Variants in ALKBH8 observed in about 807,000 individuals in gnomAD.
ALKBH8 encodes tRNA (carboxymethyluridine(34)-5-O)-methyltransferase ALKBH8.
A neutral mutation model predicts 59.8 loss-of-function variants in ALKBH8; 36 were observed. The observed-to-expected ratio is 0.60, with a 90% CI of 0.46 to 0.79. ALKBH8 has a LOEUF of 0.79. Among genes scored for constraint, ALKBH8 ranks in the 30% least tolerant of loss-of-function variants. The pLI, the probability that ALKBH8 is intolerant of heterozygous loss-of-function variation, is 0.00. For synonymous variants in ALKBH8, 276 were observed against 273.6 expected, an observed-to-expected ratio of 1.01 and a Z score of -0.09; for missense variants, 768 against 801.0, an observed-to-expected ratio of 0.96 and a Z score of 0.50.
intron 8 of ALKBH8, among the ~76,000 whole-genome samples, chr11:107,530,248 T>C (rs192428897): frequency 5.3e-5 from 8 of 152,186 alleles, no homozygotes; most frequent in African/African-American, 1.9e-4. Flanking sequence ...GCTAGAATAG[T>C]AAATTTGAAC....
At chr11:107,549,659 T>C in intron 7 of ALKBH8, 94 bp downstream of exon 7, 1 of 915,106 alleles carries the variant, frequency 1.1e-6, no homozygotes, top group East Asian at 3.0e-5. Flanking sequence ...TTTTTAAATC[T>C]TAATTCATTT....
At chr11:107,541,204 G>A (rs1299687306) in intron 7 of ALKBH8, among the ~76,000 whole-genome samples, 1 of 152,172 alleles carries the variant, frequency 6.6e-6, no homozygotes, top group African/African-American at 2.4e-5. Flanking sequence ...CAATGGTAGT[G>A]CTGATGGTCA....
At chr11:107,559,214 C>T (rs572294492) in intron 2 of ALKBH8, among the ~76,000 whole-genome samples, 1 of 152,288 alleles carries the variant, frequency 6.6e-6, no homozygotes, top group South Asian at 2.1e-4. Flanking sequence ...GTTCATTAAA[C>T]CTCTTTCTCT....
intron 11 of ALKBH8, among the ~76,000 whole-genome samples, chr11:107,509,771 A>G (rs577771862): frequency 6.6e-6 from 1 of 152,348 alleles, no homozygotes; most frequent in East Asian, 1.9e-4. Flanking sequence ...AAAGTTGGAC[A>G]TGACAGATTT....
At chr11:107,513,023 C>A (rs1324570849) in intron 10 of ALKBH8, among the ~76,000 whole-genome samples, 1 of 152,114 alleles carries the variant, frequency 6.6e-6, no homozygotes, top group African/African-American at 2.4e-5. Flanking sequence ...ACAAAAACAA[C>A]TGCCACAAAA....
chr11:107,533,003 G>A (rs1006991958), intron 7 of ALKBH8, among the ~76,000 whole-genome samples: 3 of 151,856 alleles, frequency 2.0e-5, no homozygotes, highest in Admixed American at 2.0e-4. Flanking sequence ...TTAAAGTAAT[G>A]TAACATACTG....
intron 10 of ALKBH8, among the ~76,000 whole-genome samples, chr11:107,518,225 T>A (rs1862950647): frequency 6.6e-6 from 1 of 152,182 alleles, no homozygotes; most frequent in Non-Finnish European, 1.5e-5. Context: ...GGATATTCAT[T>A]ACAATAAGGT....
Position 107,551,806 on chromosome 11 carries a change from A to G in ALKBH8, c.700+2T>C. On this transcript the variant is annotated splice_donor_variant, in intron 6 of 11. Transcript: ENST00000428149. LOFTEE classifies it high-confidence loss of function. The stretch of plus-strand genomic sequence containing the variant: ...TAAAATTTTTGAACAAGAAATACTC[A>G]CCTTGCCCAGGTTCATACTGATTTA... 3.3e-6 allele frequency: 5 copies of G among 1,530,408 alleles called. No individual in the cohort carries two copies. The highest frequency in any genetic ancestry group is 4.4e-6 in the Non-Finnish European group (5 of 1,145,514). The allele number at this position is 1,530,408 out of a possible 1,614,324, so 94.8% of individuals were successfully genotyped here. A position where few individuals can be genotyped will look rare whatever the true frequency, so the allele number is the denominator to read the frequency against.
At chr11:107,532,160 C>T (rs1364978490) in intron 8 of ALKBH8, 140 bp downstream of exon 8, 9 of 574,174 alleles carry the variant, frequency 1.6e-5, no homozygotes, top group African/African-American at 1.1e-4. Flanking sequence ...TTAACAAAAA[C>T]GAAACTAGAT....
At chr11:107,539,880 CA>C (rs1413097388) in intron 7 of ALKBH8, among the ~76,000 whole-genome samples, 1 of 152,128 alleles carries the variant, frequency 6.6e-6, no homozygotes, top group Non-Finnish European at 1.5e-5. Flanking sequence ...TAAAAGAAAA[CA>C]AGTTCTATTC....
chr11:107,561,784 C>G (rs1402561825), intron 1 of ALKBH8, among the ~76,000 whole-genome samples: 1 of 152,084 alleles, frequency 6.6e-6, no homozygotes, highest in Non-Finnish European at 1.5e-5. Flanking sequence ...AGTAGTTGCT[C>G]AATAAATATT....
At chr11:107,515,727 T>TA (rs1010210565) in intron 10 of ALKBH8, among the ~76,000 whole-genome samples, 3 of 151,940 alleles carry the variant, frequency 2.0e-5, no homozygotes, top group Admixed American at 1.3e-4. Flanking sequence ...CAAGTAAACA[T>TA]AAAAAAAATT....
chr11:107,525,687 G>GA (rs1319408568), intron 8 of ALKBH8, 95 bp from the exon 9 acceptor site: 1 of 842,058 alleles, frequency 1.2e-6, no homozygotes, highest in African/African-American at 1.8e-5. Context: ...AAATCTAGAA[G>GA]AATTTATTAC....
intron 7 of ALKBH8, among the ~76,000 whole-genome samples, chr11:107,544,337 T>C (rs1864163511): frequency 6.6e-6 from 1 of 152,320 alleles, no homozygotes; most frequent in Admixed American, 6.5e-5. Flanking sequence ...TTATCCTTAT[T>C]GAAGGGGCTT....
At chr11:107,536,953 C>A (rs1863842014) in intron 7 of ALKBH8, among the ~76,000 whole-genome samples, 1 of 152,208 alleles carries the variant, frequency 6.6e-6, no homozygotes, top group South Asian at 2.1e-4. Context: ...CTGTAATGCA[C>A]TGGCTGTGCA....
At chr11:107,544,847 AC>A in intron 7 of ALKBH8, among the ~76,000 whole-genome samples, 1 of 151,754 alleles carries the variant, frequency 6.6e-6, no homozygotes, top group Non-Finnish European at 1.5e-5. Context: ...ACACACACAC[AC>A]ACACACACAC....
intron 9 of ALKBH8, among the ~76,000 whole-genome samples, chr11:107,522,950 T>C (rs766528006): frequency 6.6e-6 from 1 of 152,048 alleles, no homozygotes. Flanking sequence ...GGGGACTACC[T>C]GCCTTCGGGC....
At chr11:107,553,286 G>C (rs1190653156) in intron 4 of ALKBH8, 83 bp from the exon 5 acceptor site, 1 of 837,538 alleles carries the variant, frequency 1.2e-6, no homozygotes, top group African/African-American at 1.8e-5. Context: ...TTTGAGTAAG[G>C]ATTAGTTTAG....
At chr11:107,564,585 T>C (rs74588296) in intron 1 of ALKBH8, among the ~76,000 whole-genome samples, 5,806 of 152,234 alleles carry the variant, frequency 0.038, 271 homozygotes, top group East Asian at 0.21. Flanking sequence ...AAAGGGAGCT[T>C]TCTTCTTTCA....
Sources: gnomAD v4.1 joint callset for allele counts (sites outside exome capture counted in the v4.1 genomes callset) on GRCh38, gnomAD v4.1.1 for gene constraint, MANE v1.5 for transcripts, NCBI Gene and HGNC (gene_info 2026-07-23, HGNC 2026-07-21) for gene names.